Variants in AFF2 observed in about 807,000 individuals in gnomAD.
AFF2 encodes the protein AF4/FMR2 family member 2.
AFF2 carries 14 observed loss-of-function variants against 76.9 expected under a neutral mutation model. The observed-to-expected ratio is 0.18, with a 90% CI of 0.12 to 0.28. The LOEUF is 0.28. Ranked by LOEUF, AFF2 falls within the 10% of genes least tolerant of loss-of-function variation. The pLI, the probability that AFF2 is intolerant of heterozygous loss-of-function variation, is 1.00. For synonymous variants in AFF2, 398 were observed against 366.7 expected, an observed-to-expected ratio of 1.09 and a Z score of -0.98; for missense variants, 868 against 1,001.1, an observed-to-expected ratio of 0.87 and a Z score of 1.79.
At chrX:148,924,647 G>A (rs931919168) in intron 9 of AFF2, among the ~76,000 whole-genome samples, 1 of 111,929 alleles carries the variant, frequency 8.9e-6, no homozygotes, top group Admixed American at 9.5e-5. Context: ...GGGCATTAGA[G>A]GTTAGGTGGG....
intron 1 of AFF2, among the ~76,000 whole-genome samples, chrX:148,570,847 A>G (rs782712259): frequency 2.7e-5 from 3 of 110,283 alleles, no homozygotes; most frequent in Non-Finnish European, 5.7e-5. Context: ...CCACCTTTAC[A>G]TGGCCATCTT....
intron 1 of AFF2, among the ~76,000 whole-genome samples, chrX:148,644,926 A>T (rs1557255172): frequency 8.9e-6 from 1 of 112,240 alleles, no homozygotes; most frequent in African/African-American, 3.2e-5. Flanking sequence ...TCTGATAGGC[A>T]GCCAAAATTG....
intron 3 of AFF2, among the ~76,000 whole-genome samples, chrX:148,671,256 A>G (rs1271047108): frequency 8.9e-6 from 1 of 112,174 alleles, no homozygotes; most frequent in Non-Finnish European, 1.9e-5. Context: ...CTTATGTTAT[A>G]CACATTTCTG....
chrX:148,908,662 A>G (rs2071436377), intron 9 of AFF2, among the ~76,000 whole-genome samples: 1 of 112,354 alleles, frequency 8.9e-6, no homozygotes, highest in Admixed American at 9.4e-5. Flanking sequence ...ACTGGAAAAC[A>G]GAGGCCCAGC....
At chrX:148,881,950 A>T (rs1178935887) in intron 7 of AFF2, among the ~76,000 whole-genome samples, 1 of 111,276 alleles carries the variant, frequency 9.0e-6, no homozygotes, top group Non-Finnish European at 1.9e-5. Context: ...TTAAAAAAAA[A>T]TCCGTTAGGA....
intron 4 of AFF2, among the ~76,000 whole-genome samples, chrX:148,816,347 G>A (rs1261185474): frequency 9.0e-6 from 1 of 111,596 alleles, no homozygotes; most frequent in Non-Finnish European, 1.9e-5. Flanking sequence ...TCTCTCGTTT[G>A]TCATTAGAAG....
At chrX:148,829,810 C>T (rs1227227009) in intron 4 of AFF2, among the ~76,000 whole-genome samples, 3 of 111,709 alleles carry the variant, frequency 2.7e-5, no homozygotes, top group Non-Finnish European at 5.6e-5. Flanking sequence ...ACAGTAGGCT[C>T]CATGATTGGA....
At chrX:148,601,920 T>C (rs1057199708) in intron 1 of AFF2, among the ~76,000 whole-genome samples, 1 of 111,864 alleles carries the variant, frequency 8.9e-6, no homozygotes, top group African/African-American at 3.2e-5. Context: ...ATAAATTTCT[T>C]TTGAGTCATT....
chrX:148,908,764 T>G lies in AFF2; in HGVS notation c.1397+4506T>G, dbSNP rs184550712. Among the ~76,000 whole-genome samples the G allele has an allele frequency of 7.1e-5, 8 of 111,920 alleles. No individual in the cohort carries two copies. In the East Asian group the frequency reaches 2.2e-3, roughly 31 times the overall value. On this transcript the variant is annotated intron_variant, in intron 9 of 20. Coordinates refer to ENST00000370460, the MANE Select transcript of AFF2 (RefSeq NM_002025.4). ...GCCCTTTGGTGTAGAATTTGGCAAA[T>G]GGTTGAAAAAAATAAAAAGAAGAAC...
intron 3 of AFF2, among the ~76,000 whole-genome samples, chrX:148,715,377 C>T (rs1190199858): frequency 1.8e-5 from 2 of 110,919 alleles, no homozygotes; most frequent in Admixed American, 1.9e-4. Context: ...TCAAGAAAGC[C>T]CCAGATCAGC....
intron 9 of AFF2, among the ~76,000 whole-genome samples, chrX:148,922,063 C>G (rs1268686771): frequency 8.9e-6 from 1 of 112,187 alleles, no homozygotes; most frequent in Non-Finnish European, 1.9e-5. Context: ...TTAGAATTTT[C>G]ATTGCTGCAA....
At position 148,995,577 on chromosome X, in the gene AFF2, TTCATAGTGC is replaced by T. The variant is rs1422075056; in HGVS notation, c.*4249_*4257del. 4.5e-5 allele frequency: 5 copies of T among 112,210 alleles called. No individual in the cohort carries two copies. In the Admixed American group the frequency reaches 4.7e-4, roughly 11 times the overall value. 9.2% of individuals were successfully genotyped at this position (112,210 alleles called of 1,213,427 possible). A position where few individuals can be genotyped will look rare whatever the true frequency, so the allele number is the denominator to read the frequency against. ...TCTGACATGAGATGTTAAAGAATTA[TTCATAGTGC>T]TCACATTGGGTTAGGGGACACTGAA... is the stretch of plus-strand genomic sequence containing the variant. On this transcript the variant is annotated 3_prime_UTR_variant, in exon 21 of 21. Coordinates refer to ENST00000370460, the MANE Select transcript of AFF2 (RefSeq NM_002025.4).
intron 1 of AFF2, among the ~76,000 whole-genome samples, chrX:148,565,754 A>G (rs1268158902): frequency 9.0e-6 from 1 of 111,006 alleles, no homozygotes; most frequent in Non-Finnish European, 1.9e-5. Context: ...CTGGAAAAGT[A>G]CAAGTAGAAA....
rs1396904783 is a variant in AFF2 at position 148,550,327 on chromosome X, G to A, written c.47+49183G>A. On this transcript the variant is annotated intron_variant, in intron 1 of 20. Coordinates refer to ENST00000370460, the MANE Select transcript of AFF2 (RefSeq NM_002025.4). The stretch of plus-strand genomic sequence containing the variant: ...TTGTTTATACAGATTCAGTCCTAAG[G>A]CAAACCTGAAATGAAAAATCAGTCC... Among the ~76,000 whole-genome samples, 4 of 111,814 alleles carry A rather than the reference G, an allele frequency of 3.6e-5. No homozygotes were observed. In the East Asian group the frequency reaches 1.1e-3, roughly 31 times the overall value.
chrX:148,786,210 C>T (rs2069818964), intron 3 of AFF2, among the ~76,000 whole-genome samples: 1 of 111,668 alleles, frequency 9.0e-6, no homozygotes, highest in Non-Finnish European at 1.9e-5. Context: ...GTTGCCTCCC[C>T]ACCCCACCCT....
intron 4 of AFF2, chrX:148,822,150 G>T (rs1381374400): frequency 2.7e-5 from 3 of 111,341 alleles, no homozygotes; most frequent in African/African-American, 9.8e-5. Flanking sequence ...TTTTTCCATT[G>T]CCAATTTCTT....
chrX:148,642,063 A>G (rs1557254788), intron 1 of AFF2, among the ~76,000 whole-genome samples: 2 of 112,286 alleles, frequency 1.8e-5, no homozygotes, highest in Non-Finnish European at 3.8e-5. Flanking sequence ...AAGAGGGAGA[A>G]GTGTAACCTA....
chrX:148,518,051 T>C (rs1353695215), intron 1 of AFF2, among the ~76,000 whole-genome samples: 3 of 110,955 alleles, frequency 2.7e-5, no homozygotes, highest in Admixed American at 9.5e-5. Context: ...AAAATAATTT[T>C]GTCAAATACT....
At chrX:148,682,776 A>G (rs2054563992) in intron 3 of AFF2, among the ~76,000 whole-genome samples, 1 of 112,308 alleles carries the variant, frequency 8.9e-6, no homozygotes, top group Admixed American at 9.4e-5. Flanking sequence ...TATATTTTTT[A>G]GCAAAAACAT....
Sources: gnomAD v4.1 joint callset for allele counts (sites outside exome capture counted in the v4.1 genomes callset) on GRCh38, gnomAD v4.1.1 for gene constraint, MANE v1.5 for transcripts, NCBI Gene and HGNC (gene_info 2026-07-23, HGNC 2026-07-21) for gene names.